Variants in KHDRBS2 observed in about 807,000 individuals in gnomAD.
KHDRBS2 encodes the protein KH RNA binding domain containing, signal transduction associated 2, also known as KH domain-containing, RNA-binding, signal transduction-associated protein 2.
In KHDRBS2, 26 loss-of-function variants were observed where a neutral mutation model predicts 44.3. That is an observed-to-expected ratio of 0.59 (90% CI 0.43 to 0.81). The LOEUF is 0.81. Ranked by LOEUF, KHDRBS2 falls within the 40% of genes least tolerant of loss-of-function variation. The pLI is 0.00. For synonymous variants in KHDRBS2, 194 were observed against 151.1 expected (o/e 1.28, Z -2.08); for missense variants, 476 against 433.1 (o/e 1.10, Z -0.88).
intron 8 of KHDRBS2, among the ~76,000 whole-genome samples, chr6:61,683,164 T>C (rs945021615): frequency 6.6e-6 from 1 of 151,820 alleles, no homozygotes; most frequent in African/African-American, 2.4e-5. Context: ...TTCTGAATGT[T>C]CCTGAAAAAC....
chr6:62,262,742 C>T (rs1017092621), intron 1 of KHDRBS2, among the ~76,000 whole-genome samples: 2 of 151,440 alleles, frequency 1.3e-5, no homozygotes, highest in African/African-American at 4.8e-5. Context: ...TGGTTATACT[C>T]AATTAGTATT....
Position 61,812,886 on chromosome 6 carries a change from A to G in KHDRBS2, c.811-80122T>C, listed in dbSNP as rs370449184. The stretch of plus-strand genomic sequence containing the variant: ...CACATTTGTACCTTGGCCTCGGCGT[A>G]TTTTCACATTTATATGTATATAGTT... On this transcript the variant is annotated intron_variant, in intron 6 of 8. Coordinates refer to ENST00000281156, the MANE Select transcript of KHDRBS2 (RefSeq NM_152688.4). Among the ~76,000 whole-genome samples, 5 of 152,116 alleles carry G rather than the reference A, an allele frequency of 3.3e-5. No homozygotes were observed. In the East Asian group the frequency reaches 9.7e-4, roughly 29 times the overall value.
the KHDRBS2 span, among the ~76,000 whole-genome samples, chr6:61,562,741 C>T: frequency 4.6e-5 from 7 of 152,194 alleles, no homozygotes; most frequent in East Asian, 9.7e-4. Context: ...AAACACGAAA[C>T]TATCTCCTGT....
intron 3 of KHDRBS2, among the ~76,000 whole-genome samples, chr6:62,024,396 GCATGTGCATAGTAACTGAAGCACACAC>G (rs1039547230): frequency 1.1e-4 from 16 of 151,268 alleles, no homozygotes; most frequent in Non-Finnish European, 2.1e-4. Context: ...CTATTGTCAG[GCATGTGCATAGTAACTGAAGCACACAC>G]TACAAAATTT....
intron 4 of KHDRBS2, among the ~76,000 whole-genome samples, chr6:61,971,733 T>C: frequency 6.6e-6 from 1 of 152,132 alleles, no homozygotes; most frequent in Non-Finnish European, 1.5e-5. Flanking sequence ...CAATTGATTT[T>C]CGTTGACCCT....
At chr6:61,987,301 G>T (rs1775228305) in intron 3 of KHDRBS2, among the ~76,000 whole-genome samples, 1 of 152,118 alleles carries the variant, frequency 6.6e-6, no homozygotes. Flanking sequence ...TGAACCAAAA[G>T]AGTTAAACTT....
At chr6:62,131,842 T>C (rs1810401063) in intron 2 of KHDRBS2, among the ~76,000 whole-genome samples, 1 of 152,192 alleles carries the variant, frequency 6.6e-6, no homozygotes, top group Non-Finnish European at 1.5e-5. Context: ...GTCTAGTACA[T>C]TGTCTCATTT....
intron 2 of KHDRBS2, among the ~76,000 whole-genome samples, chr6:62,055,908 C>T (rs1790178915): frequency 6.6e-6 from 1 of 152,002 alleles, no homozygotes; most frequent in Non-Finnish European, 1.5e-5. Context: ...GCCCCACAGA[C>T]CTGTCCACAA....
At chr6:62,084,266 T>C (rs1357187630) in intron 2 of KHDRBS2, among the ~76,000 whole-genome samples, 1 of 152,208 alleles carries the variant, frequency 6.6e-6, no homozygotes, top group Non-Finnish European at 1.5e-5. Flanking sequence ...TTCATCTTCA[T>C]GGACAGGCTT....
downstream of KHDRBS2, among the ~76,000 whole-genome samples, chr6:61,677,645 T>G (rs889654868): frequency 2.0e-5 from 3 of 151,914 alleles, no homozygotes; most frequent in Admixed American, 2.0e-4. Context: ...TTCTTCTTCC[T>G]TTTCCTTATA....
chr6:61,653,939 C>A, the KHDRBS2 span, among the ~76,000 whole-genome samples: 1 of 151,988 alleles, frequency 6.6e-6, no homozygotes, highest in Non-Finnish European at 1.5e-5. Context: ...TTAACAAATT[C>A]ATGGAACACA....
chr6:62,185,697 T>C (rs1243784531), intron 1 of KHDRBS2, among the ~76,000 whole-genome samples: 4 of 151,936 alleles, frequency 2.6e-5, no homozygotes, highest in Non-Finnish European at 5.9e-5. Flanking sequence ...ACTGTTTTAA[T>C]CACTACTCAT....
intron 2 of KHDRBS2, among the ~76,000 whole-genome samples, chr6:62,048,671 A>G (rs1317346203): frequency 6.6e-6 from 1 of 151,942 alleles, no homozygotes; most frequent in East Asian, 1.9e-4. Context: ...TCGAAATAAA[A>G]AATTCTGGGG....
chr6:62,008,362 T>G (rs1335916355), intron 3 of KHDRBS2, among the ~76,000 whole-genome samples: 1 of 152,170 alleles, frequency 6.6e-6, no homozygotes, highest in Non-Finnish European at 1.5e-5. Flanking sequence ...CTAATGTCCT[T>G]ATGAAAATGA....
At chr6:61,993,742 G>A (rs1421486216) in intron 3 of KHDRBS2, among the ~76,000 whole-genome samples, 1 of 144,624 alleles carries the variant, frequency 6.9e-6, no homozygotes, top group Non-Finnish European at 1.5e-5. Flanking sequence ...CTATAGCTCT[G>A]AAAAGAAAAA....
chr6:61,823,370 G>C (rs187539041), intron 6 of KHDRBS2, among the ~76,000 whole-genome samples: 17 of 152,090 alleles, frequency 1.1e-4, no homozygotes, highest in Admixed American at 1.1e-3. Flanking sequence ...TAAAGCATGT[G>C]TATTCAGTCT....
At chr6:61,973,919 T>C (rs1340022397) in intron 4 of KHDRBS2, among the ~76,000 whole-genome samples, 1 of 151,312 alleles carries the variant, frequency 6.6e-6, no homozygotes, top group African/African-American at 2.4e-5. Context: ...AGGATAGTTA[T>C]TGGAAGATGT....
rs764792507 is a variant in KHDRBS2 at position 61,732,700 on chromosome 6, T to C, written c.875A>G (p.Tyr292Cys). The C allele has an allele frequency of 3.1e-6, 5 of 1,608,716 alleles. No homozygotes were observed. The Admixed American group carries it at 5.0e-5, about 16-fold the overall frequency. The change falls in exon 7 of 9, where the codon TAT becomes TGT. Residue 292 changes from tyrosine (Y) to cysteine (C), a missense_variant. Tyr to Cys is a radical substitution (Grantham distance 194). Transcript: ENST00000281156. ...DQTYETYDNS[Y>C]ATQTQSVPEY... ...GCCTTACCTTTGTGTTTGGGTCGCATAGCTGTTATCATAAGTCTCATAGGT... is the reference window on the plus strand; with the variant it reads ...GCCTTACCTTTGTGTTTGGGTCGCACAGCTGTTATCATAAGTCTCATAGGT...
chr6:61,778,871 G>T (rs545523859), intron 6 of KHDRBS2, among the ~76,000 whole-genome samples: 55 of 152,314 alleles, frequency 3.6e-4, no homozygotes, highest in Admixed American at 2.5e-3. Flanking sequence ...TTAGCAATTT[G>T]ATTCTTCTTG....
Sources: allele counts gnomAD v4.1 joint callset (sites outside exome capture counted in the v4.1 genomes callset), GRCh38; gene constraint gnomAD v4.1.1; transcripts MANE v1.5; gene names NCBI Gene and HGNC (gene_info 2026-07-23, HGNC 2026-07-21).